The following ABCB11 variants were observed in gnomAD, a reference collection of about 807,000 sequenced individuals.
ABCB11 encodes ATP binding cassette subfamily B member 11.
ABCB11 carries 95 observed loss-of-function variants against 148.0 expected under a neutral mutation model. The ratio of observed to expected loss-of-function variants is 0.64; its 90% CI spans 0.54 to 0.76. The LOEUF is 0.76. Among genes scored for constraint, ABCB11 ranks in the 30% least tolerant of loss-of-function variants. ABCB11 has a pLI of 0.00. For synonymous variants in ABCB11, 591 were observed against 555.4 expected, an observed-to-expected ratio of 1.06 and a Z score of -0.90; for missense variants, 1,523 against 1,617.8, an observed-to-expected ratio of 0.94 and a Z score of 1.01.
rs184179522 is a variant in ABCB11, at chr2:168,975,127, T to A, written c.1309-1287A>T. 9.2e-3 allele frequency among the ~76,000 whole-genome samples: 1,213 copies of A among 131,558 alleles called. 124 individuals are homozygous for A. The East Asian group carries it at 0.23, about 25-fold the overall frequency. The allele number at this position is 131,558 out of a possible 152,430, so 86.3% of individuals were successfully genotyped here. A position where few individuals can be genotyped will look rare whatever the true frequency, so the allele number is the denominator to read the frequency against. Reference sequence around the variant, plus strand: ...TAGATAAATGTATAAACAAATATTTTTATATTTAAATATTTATAGATAAAT... The same window carrying A: ...TAGATAAATGTATAAACAAATATTTATATATTTAAATATTTATAGATAAAT... On this transcript the variant is annotated intron_variant, in intron 12 of 27. Transcript: ENST00000650372.
chr2:168,954,338 G>A (rs1002515105), intron 19 of ABCB11, among the ~76,000 whole-genome samples: 1 of 151,146 alleles, frequency 6.6e-6, no homozygotes, highest in Non-Finnish European at 1.5e-5. Context: ...TCAATGTGTT[G>A]TTGTGATGGT....
At chr2:168,972,819 G>A (rs1214068278) in intron 13 of ABCB11, among the ~76,000 whole-genome samples, 1 of 151,956 alleles carries the variant, frequency 6.6e-6, no homozygotes, top group Non-Finnish European at 1.5e-5. Flanking sequence ...AAGAGCATGG[G>A]CTTTGGAACC....
At chr2:168,957,769 G>A (rs189284700) in intron 19 of ABCB11, among the ~76,000 whole-genome samples, 195 bp downstream of exon 19, 26 of 151,630 alleles carry the variant, frequency 1.7e-4, no homozygotes, top group Admixed American at 1.4e-3. Flanking sequence ...AGTGCCCTGC[G>A]AGCCCAAATG....
chr2:168,915,967 C>T (rs1690933770), downstream of ABCB11, among the ~76,000 whole-genome samples: 1 of 152,234 alleles, frequency 6.6e-6, no homozygotes, highest in Non-Finnish European at 1.5e-5. Flanking sequence ...ATGCAACACT[C>T]AGCTGCATCT....
intron 10 of ABCB11, among the ~76,000 whole-genome samples, 173 bp downstream of exon 10, chr2:168,985,937 T>A (rs1694302751): frequency 1.3e-5 from 2 of 151,914 alleles, no homozygotes; most frequent in South Asian, 2.1e-4. Flanking sequence ...CCCAAAAAAA[T>A]TATGGAAATA....
At chr2:169,012,185 A>G (rs1695206981) in intron 5 of ABCB11, among the ~76,000 whole-genome samples, 1 of 152,276 alleles carries the variant, frequency 6.6e-6, no homozygotes, top group Middle Eastern at 3.4e-3. Flanking sequence ...AATTCCTCTG[A>G]GGGAGCCATT....
At chr2:168,965,818 C>T (rs1380414499) in intron 17 of ABCB11, among the ~76,000 whole-genome samples, 1 of 151,826 alleles carries the variant, frequency 6.6e-6, no homozygotes, top group Non-Finnish European at 1.5e-5. Flanking sequence ...GTGGTGCCTG[C>T]CTACTATATG....
At chr2:169,031,157 C>G (rs1286573247) in intron 1 of ABCB11, 68 bp downstream of exon 1, 3 of 152,098 alleles carry the variant, frequency 2.0e-5, no homozygotes, top group African/African-American at 7.2e-5. Context: ...CAGAAACACT[C>G]CACTCCACAA....
At chr2:169,004,347 T>C (rs749354866) in intron 5 of ABCB11, among the ~76,000 whole-genome samples, 4 of 152,212 alleles carry the variant, frequency 2.6e-5, no homozygotes, top group African/African-American at 7.2e-5. Flanking sequence ...CCCAGACTTC[T>C]TGGAAGCTTT....
rs899970806 is a variant in ABCB11 at position 168,921,459 on chromosome 2, A to G, written c.*2163T>C. Among the ~76,000 whole-genome samples, 2 of 152,128 alleles carry G rather than the reference A, an allele frequency of 1.3e-5. No individual in the cohort carries two copies. Among genetic ancestry groups the G allele is most frequent in the African/African-American group, 4.8e-5 (2 of 41,410 alleles). Reference sequence around the variant, plus strand: ...AACCGTGGGTGCAGTCCTGCTCCCAAGGTTTTCATTTCTGTGACAAGAGCT... The same window carrying G: ...AACCGTGGGTGCAGTCCTGCTCCCAGGGTTTTCATTTCTGTGACAAGAGCT... On this transcript the variant is annotated 3_prime_UTR_variant, in exon 28 of 28. Coordinates refer to ENST00000650372, the MANE Select transcript of ABCB11 (RefSeq NM_003742.4).
chr2:169,017,339 G>A (rs1010410160), intron 2 of ABCB11, among the ~76,000 whole-genome samples: 2 of 151,728 alleles, frequency 1.3e-5, no homozygotes, highest in Admixed American at 6.6e-5. Flanking sequence ...AGGGCAGGAG[G>A]TGAAAGTCAG....
chr2:168,995,076 T>C (rs1694669949), intron 7 of ABCB11, among the ~76,000 whole-genome samples: 1 of 152,040 alleles, frequency 6.6e-6, no homozygotes, highest in Admixed American at 6.6e-5. Flanking sequence ...CCTGGACAGC[T>C]AAATAACCTT....
chr2:168,975,289 AAATATTTT>A (rs1693787346), intron 12 of ABCB11, among the ~76,000 whole-genome samples: 1 of 77,960 alleles, frequency 1.3e-5, no homozygotes, highest in African/African-American at 5.6e-5. Context: ...ATGAATATTT[AAATATTTT>A]TATATTTAAA....
chr2:168,938,128 C>T (rs1403029682), intron 21 of ABCB11, among the ~76,000 whole-genome samples: 3 of 152,196 alleles, frequency 2.0e-5, no homozygotes. Context: ...CATCTTTATA[C>T]TGAATTGAAG....
rs778729951 is a variant in ABCB11 at position 168,996,626 on chromosome 2, G to C, written c.477+9C>G. The C allele has an allele frequency of 6.8e-7, 1 of 1,462,254 alleles. No homozygotes were observed. The highest frequency in any genetic ancestry group is 1.4e-5 in the South Asian group (1 of 71,522). 90.6% of individuals were successfully genotyped at this position (1,462,254 alleles called of 1,614,324 possible). A position where few individuals can be genotyped will look rare whatever the true frequency, so the allele number is the denominator to read the frequency against. On this transcript the variant is annotated intron_variant, in intron 6 of 27. Transcript: ENST00000650372. ...ATTGATCTATAAATTATACGGAGGAGCTACTAACTTGAATATATCCTGTGA... is the reference window on the plus strand; with the variant it reads ...ATTGATCTATAAATTATACGGAGGACCTACTAACTTGAATATATCCTGTGA...
At chr2:168,932,662 T>G in intron 23 of ABCB11, 129 bp from the exon 24 acceptor site, 1 of 1,124,240 alleles carries the variant, frequency 8.9e-7, no homozygotes, top group Admixed American at 2.7e-5. Context: ...GCAAGTCACT[T>G]CAGACTTGTC....
chr2:168,965,270 G>A (rs563915812), intron 17 of ABCB11, among the ~76,000 whole-genome samples: 2 of 151,832 alleles, frequency 1.3e-5, no homozygotes, highest in East Asian at 2.0e-4. Flanking sequence ...GACAAGCATG[G>A]GAAGTGATTG....
intron 5 of ABCB11, among the ~76,000 whole-genome samples, chr2:169,003,906 A>G (rs1172349799): frequency 6.6e-6 from 1 of 152,160 alleles, no homozygotes; most frequent in East Asian, 1.9e-4. Context: ...TCCTTCATTT[A>G]TGAAGTTAAG....
chr2:168,932,196 C>A (rs1394110714), intron 24 of ABCB11, among the ~76,000 whole-genome samples, 181 bp downstream of exon 24: 1 of 152,064 alleles, frequency 6.6e-6, no homozygotes, highest in Non-Finnish European at 1.5e-5. Flanking sequence ...GTGTGATGTT[C>A]CCCACCCTGT....
Sources: gnomAD v4.1 joint callset for allele counts (sites outside exome capture counted in the v4.1 genomes callset) on GRCh38, gnomAD v4.1.1 for gene constraint, MANE v1.5 for transcripts, NCBI Gene and HGNC (gene_info 2026-07-23, HGNC 2026-07-21) for gene names.